MRTFA: variants seen among roughly 807,000 people sequenced by gnomAD.
The protein encoded by MRTFA is myocardin-related transcription factor A.
Under a neutral mutation model 83.5 loss-of-function variants are expected in MRTFA, and 20 were observed. That is an observed-to-expected ratio of 0.24 (90% CI 0.17 to 0.35). The LOEUF is 0.35. Ranked by LOEUF, MRTFA falls within the 10% of genes least tolerant of loss-of-function variation. MRTFA has a pLI of 1.00. For missense variants in MRTFA, 1,200 were observed against 1,224.7 expected (o/e 0.98, Z 0.30); for synonymous variants, 659 against 541.2 (o/e 1.22, Z -3.02).
At position 40,527,384 on chromosome 22, in the gene MRTFA, T is replaced by G. The variant is rs999458011; in HGVS notation, c.241+24722A>C. Among the ~76,000 whole-genome samples, 8 of 142,238 alleles carry G rather than the reference T, an allele frequency of 5.6e-5. 1 individual carries two copies. Among genetic ancestry groups the G allele is most frequent in the East Asian group, 4.0e-4 (2 of 4,998 alleles). The allele number at this position is 142,238 out of a possible 152,430, so 93.3% of individuals were successfully genotyped here. A position where few individuals can be genotyped will look rare whatever the true frequency, so the allele number is the denominator to read the frequency against. ...CGAGTGCAAGGCAAAGAAAGTGGAGTTTTTTTTTTTTGTCATTGATGGCAG... is the reference window on the plus strand; with the variant it reads ...CGAGTGCAAGGCAAAGAAAGTGGAGGTTTTTTTTTTTGTCATTGATGGCAG... On this transcript the variant is annotated intron_variant, in intron 3 of 14. Coordinates refer to ENST00000355630, the MANE Select transcript of MRTFA (RefSeq NM_020831.6).
At chr22:40,518,977 G>A (rs1486810495) in intron 3 of MRTFA, among the ~76,000 whole-genome samples, 2 of 150,154 alleles carry the variant, frequency 1.3e-5, no homozygotes, top group East Asian at 1.9e-4. Context: ...TTTTTGTTTT[G>A]GAGGCTTTTG....
At chr22:40,511,263 T>G (rs958099384) in intron 3 of MRTFA, among the ~76,000 whole-genome samples, 2 of 152,062 alleles carry the variant, frequency 1.3e-5, no homozygotes, top group Non-Finnish European at 2.9e-5. Context: ...CAAATAGATA[T>G]GACAAGTACA....
chr22:40,607,330 C>T (rs1407315432), intron 1 of MRTFA, among the ~76,000 whole-genome samples: 1 of 152,006 alleles, frequency 6.6e-6, no homozygotes, highest in African/African-American at 2.4e-5. Flanking sequence ...CGGTGAAACC[C>T]CATCTCTACT....
chr22:40,589,936 C>T (rs1427943443), intron 2 of MRTFA, among the ~76,000 whole-genome samples: 1 of 151,100 alleles, frequency 6.6e-6, no homozygotes, highest in Non-Finnish European at 1.5e-5. Flanking sequence ...GCAGGAGAAT[C>T]GCTTGAACCC....
At chr22:40,460,300 G>T (rs777768406) in intron 4 of MRTFA, among the ~76,000 whole-genome samples, 4 of 152,168 alleles carry the variant, frequency 2.6e-5, no homozygotes, top group Non-Finnish European at 4.4e-5. Context: ...ATTAAACAAT[G>T]ATCTCCAGTA....
chr22:40,477,794 G>GA (rs1022605141), intron 3 of MRTFA, among the ~76,000 whole-genome samples: 2 of 151,796 alleles, frequency 1.3e-5, no homozygotes, highest in Admixed American at 1.3e-4. Context: ...GAGATGAAAG[G>GA]AAGGGTAAAG....
chr22:40,613,106 C>A (rs958204185), intron 1 of MRTFA, among the ~76,000 whole-genome samples: 2 of 152,156 alleles, frequency 1.3e-5, no homozygotes, highest in African/African-American at 4.8e-5. Context: ...ATAGTAAGTT[C>A]TCTTTTGTTT....
chr22:40,519,569 A>T, intron 3 of MRTFA: 2 of 1,347,184 alleles, frequency 1.5e-6, no homozygotes, highest in South Asian at 2.5e-5. Flanking sequence ...GTGGAGGTGA[A>T]AGGCAATCAC....
At chr22:40,546,853 A>G (rs1023065316) in intron 3 of MRTFA, among the ~76,000 whole-genome samples, 1 of 152,168 alleles carries the variant, frequency 6.6e-6, no homozygotes, top group African/African-American at 2.4e-5. Context: ...CCATTCATTG[A>G]TTCATTCAAT....
intron 3 of MRTFA, among the ~76,000 whole-genome samples, chr22:40,527,701 G>T (rs1602387072): frequency 6.7e-6 from 1 of 150,254 alleles, no homozygotes; most frequent in Non-Finnish European, 1.5e-5. Flanking sequence ...GGAGCTTGCA[G>T]TGAGCCGAGA....
chr22:40,498,682 C>G (rs2054404614), intron 3 of MRTFA, among the ~76,000 whole-genome samples: 1 of 151,992 alleles, frequency 6.6e-6, no homozygotes. Flanking sequence ...ATCAAAGCAC[C>G]CAAGACAACC....
chr22:40,508,850 A>G (rs2054624121), intron 3 of MRTFA, among the ~76,000 whole-genome samples: 1 of 149,682 alleles, frequency 6.7e-6, no homozygotes, highest in Non-Finnish European at 1.5e-5. Flanking sequence ...CCTCTACCAA[A>G]AAAAAAAAAA....
intron 2 of MRTFA, among the ~76,000 whole-genome samples, chr22:40,591,518 C>G (rs1358584494): frequency 6.6e-6 from 1 of 152,088 alleles, no homozygotes; most frequent in Non-Finnish European, 1.5e-5. Context: ...CGATGCAGAA[C>G]TTAATAAAAT....
intron 3 of MRTFA, among the ~76,000 whole-genome samples, chr22:40,464,309 G>GAAAAAAAA (rs398040500): frequency 8.9e-5 from 5 of 56,272 alleles, no homozygotes; most frequent in African/African-American, 1.6e-4. Flanking sequence ...GCTGTCTCAG[G>GAAAAAAAA]AAAAAAAAAA....
chr22:40,634,231 G>A (rs919265428), intron 1 of MRTFA, among the ~76,000 whole-genome samples: 1 of 152,214 alleles, frequency 6.6e-6, no homozygotes, highest in African/African-American at 2.4e-5. Context: ...GGGACTACAG[G>A]TGCAAGCCAC....
chr22:40,512,345 G>T (rs1237747690), intron 3 of MRTFA, among the ~76,000 whole-genome samples: 1 of 152,152 alleles, frequency 6.6e-6, no homozygotes, highest in East Asian at 1.9e-4. Context: ...TCCCAATGCT[G>T]GTCTTCCAGC....
rs1360324744 is a variant in MRTFA, at chr22:40,464,206, CAGG to C, written c.242-923_242-921del. Among the ~76,000 whole-genome samples, 3 of 145,762 alleles carry C rather than the reference CAGG, an allele frequency of 2.1e-5. No individual in the cohort carries two copies. In the East Asian group the frequency reaches 6.2e-4, roughly 30 times the overall value. ...GTCCCAGCTACTCAGGAGGCTGAGG[CAGG>C]AGAATTGCTTGAACCTGGGAGGCGG... On this transcript the variant is annotated intron_variant, in intron 3 of 14. Coordinates refer to ENST00000355630, the MANE Select transcript of MRTFA (RefSeq NM_020831.6).
At chr22:40,526,994 G>T (rs1044915356) in intron 3 of MRTFA, among the ~76,000 whole-genome samples, 1 of 151,832 alleles carries the variant, frequency 6.6e-6, no homozygotes, top group Non-Finnish European at 1.5e-5. Flanking sequence ...GGGTGCAGCG[G>T]TACACGCCTG....
chr22:40,423,013 C>A (rs537843888), intron 9 of MRTFA, among the ~76,000 whole-genome samples: 15 of 152,180 alleles, frequency 9.9e-5, no homozygotes, highest in Non-Finnish European at 1.8e-4. Flanking sequence ...GAGGACTCTG[C>A]ATGAGCTCTT....
Sources: allele counts gnomAD v4.1 joint callset (sites outside exome capture counted in the v4.1 genomes callset), GRCh38; gene constraint gnomAD v4.1.1; transcripts MANE v1.5; gene names NCBI Gene and HGNC (gene_info 2026-07-23, HGNC 2026-07-21).